The following MRPS9 variants were observed in gnomAD, a reference collection of about 807,000 sequenced individuals.
MRPS9 encodes mitochondrial ribosomal protein S9, also known as small ribosomal subunit protein uS9m.
MRPS9 carries 45 observed loss-of-function variants against 59.9 expected under a neutral mutation model. The ratio of observed to expected loss-of-function variants is 0.75; its 90% confidence interval spans 0.59 to 0.96. The LOEUF is 0.96. Ranked by LOEUF, MRPS9 falls within the 40% of genes least tolerant of loss-of-function variation. MRPS9 has a pLI of 0.00. For synonymous variants in MRPS9, 171 were observed against 166.8 expected (o/e 1.03, Z -0.19); for missense variants, 473 against 481.1 (o/e 0.98, Z 0.16).
intron 7 of MRPS9, 151 bp downstream of exon 7, chr2:105,090,146 CAAAA>C: frequency 2.4e-6 from 1 of 419,478 alleles, no homozygotes; most frequent in Non-Finnish European, 4.3e-6. Context: ...CAAAACAAAA[CAAAA>C]AAACAAAACA....
intron 2 of MRPS9, among the ~76,000 whole-genome samples, chr2:105,050,693 T>A (rs998085764): frequency 1.3e-5 from 2 of 152,132 alleles, no homozygotes; most frequent in Non-Finnish European, 2.9e-5. Flanking sequence ...GCAAAAAAAA[T>A]TATTGACCAT....
chr2:105,061,333 T>G (rs1679897563), intron 2 of MRPS9, among the ~76,000 whole-genome samples: 1 of 142,486 alleles, frequency 7.0e-6, no homozygotes, highest in Admixed American at 7.1e-5. Flanking sequence ...ATCTTAACAT[T>G]GGGCCTTGTG....
intron 1 of MRPS9, 104 bp from the exon 2 acceptor site, chr2:105,049,066 TA>T (rs922840089): frequency 8.9e-6 from 7 of 786,598 alleles, no homozygotes; most frequent in Middle Eastern, 3.8e-4. Flanking sequence ...AATACCGTAA[TA>T]AAAAAAGATA....
At chr2:105,059,140 T>G (rs1209596676) in intron 2 of MRPS9, among the ~76,000 whole-genome samples, 1 of 151,716 alleles carries the variant, frequency 6.6e-6, no homozygotes, top group East Asian at 1.9e-4. Context: ...TTTCTTAAAG[T>G]GTAACGTTAG....
intron 10 of MRPS9, chr2:105,099,404 A>G: frequency 1.4e-5 from 4 of 288,730 alleles, no homozygotes; most frequent in East Asian, 1.3e-4. Context: ...AAAAACCAAA[A>G]GGGAGCCATG....
At chr2:105,092,236 T>C (rs1680572861) in intron 7 of MRPS9, 165 bp from the exon 8 acceptor site, 2 of 473,106 alleles carry the variant, frequency 4.2e-6, no homozygotes, top group East Asian at 6.4e-5. Flanking sequence ...GGAAAAGTGA[T>C]GCATCTGCAT....
intron 2 of MRPS9, among the ~76,000 whole-genome samples, chr2:105,052,273 C>G (rs1474232163): frequency 2.0e-5 from 3 of 152,150 alleles, no homozygotes; most frequent in African/African-American, 7.2e-5. Flanking sequence ...GGTGCTCTAT[C>G]AGATTCAGTA....
intron 5 of MRPS9, among the ~76,000 whole-genome samples, chr2:105,084,965 T>G (rs1256187227): frequency 6.6e-6 from 1 of 152,212 alleles, no homozygotes; most frequent in African/African-American, 2.4e-5. Flanking sequence ...ATGGTATAAT[T>G]ACTATAATAT....
At chr2:105,067,258 GCTGA>G (rs1211349335) in intron 2 of MRPS9, among the ~76,000 whole-genome samples, 40 of 152,178 alleles carry the variant, frequency 2.6e-4, no homozygotes, top group Admixed American at 9.2e-4. Context: ...TGTCTTTGTA[GCTGA>G]CTAATTGTTT....
chr2:105,088,948 A>C (rs770088247), intron 5 of MRPS9, 36 bp from the exon 6 acceptor site: 3 of 1,423,746 alleles, frequency 2.1e-6, no homozygotes, highest in Non-Finnish European at 2.9e-6. Flanking sequence ...CATTGCTCTT[A>C]TTTTTAGCAT....
Position 105,089,946 on chromosome 2 carries a change from T to C in MRPS9, c.602T>C (p.Ile201Thr), listed in dbSNP as rs1680524962. 6.2e-7 allele frequency: 1 copy of C among 1,610,362 alleles called. No homozygotes were observed. Among genetic ancestry groups the C allele is most frequent in the Non-Finnish European group, 8.5e-7 (1 of 1,177,536 alleles). The change falls in exon 7 of 11, where the codon ATT becomes ACT. Residue 201 changes from isoleucine (I) to threonine (T), a missense_variant. Physicochemically the swap from Ile to Thr is moderately conservative, Grantham distance 89 (BLOSUM62 -1). Coordinates refer to ENST00000258455, the MANE Select transcript of MRPS9 (RefSeq NM_182640.3). Reference sequence around the variant, plus strand: ...GACGTGATTGGCAGCAGATGGCTGATTAAGGAGGAACTAGAAGAAATGTTA... The same window carrying C: ...GACGTGATTGGCAGCAGATGGCTGACTAAGGAGGAACTAGAAGAAATGTTA... ...TRDVIGSRWL[I>T]KEELEEMLVE...
intron 2 of MRPS9, among the ~76,000 whole-genome samples, chr2:105,054,131 T>C (rs557248180): frequency 6.6e-6 from 1 of 152,224 alleles, no homozygotes; most frequent in African/African-American, 2.4e-5. Flanking sequence ...AAGTCAGGGC[T>C]CTCTGTCACT....
At chr2:105,080,345 A>G (rs12612214) in intron 5 of MRPS9, among the ~76,000 whole-genome samples, 30,196 of 152,130 alleles carry the variant, frequency 0.2, 3,130 homozygotes, top group Middle Eastern at 0.35. Context: ...TATAGTGTGT[A>G]CATGTGCTTC....
At chr2:105,067,557 A>G (rs1391474370) in intron 2 of MRPS9, among the ~76,000 whole-genome samples, 4 of 151,966 alleles carry the variant, frequency 2.6e-5, no homozygotes, top group Non-Finnish European at 4.4e-5. Flanking sequence ...GTTCATGCGA[A>G]TTTTCCATTC....
intron 2 of MRPS9, among the ~76,000 whole-genome samples, chr2:105,055,912 A>C (rs1178728948): frequency 6.6e-6 from 1 of 152,332 alleles, no homozygotes; most frequent in East Asian, 1.9e-4. Context: ...TTGCTGTTAC[A>C]TATTTAGAAG....
chr2:105,099,943 TAAAG>T lies in MRPS9; in HGVS notation c.*185_*188del, dbSNP rs1680755277. The T allele has an allele frequency of 8.3e-6, 4 of 483,218 alleles. No individual in the cohort carries two copies. The highest frequency in any genetic ancestry group is 1.5e-5 in the Non-Finnish European group (4 of 274,388). 29.9% of individuals were successfully genotyped at this position (483,218 alleles called of 1,614,324 possible). ...TGACCTTTAAAAAATAAAAGGAAAA[TAAAG>T]AATGTTAGTTTCATTCTGCCGCTTT... On this transcript the variant is annotated 3_prime_UTR_variant, in exon 11 of 11. Coordinates refer to ENST00000258455, the MANE Select transcript of MRPS9 (RefSeq NM_182640.3).
intron 4 of MRPS9, among the ~76,000 whole-genome samples, chr2:105,074,777 A>T (rs1680175534): frequency 1.3e-5 from 2 of 152,136 alleles, no homozygotes; most frequent in South Asian, 4.1e-4. Context: ...GAATAATATA[A>T]TTGCCACAGT....
intron 5 of MRPS9, among the ~76,000 whole-genome samples, chr2:105,080,610 A>T (rs7562875): frequency 7.2e-4 from 109 of 152,278 alleles, no homozygotes; most frequent in African/African-American, 2.5e-3. Flanking sequence ...TTTCAGAGCT[A>T]TAAGTGTCTG....
At chr2:105,082,245 A>AT (rs1274572033) in intron 5 of MRPS9, among the ~76,000 whole-genome samples, 2 of 151,872 alleles carry the variant, frequency 1.3e-5, no homozygotes, top group Non-Finnish European at 2.9e-5. Context: ...TGTTGATATA[A>AT]TTTTTTCCCT....
Sources: allele counts gnomAD v4.1 joint callset (sites outside exome capture counted in the v4.1 genomes callset), GRCh38; gene constraint gnomAD v4.1.1; transcripts MANE v1.5; gene names NCBI Gene and HGNC (gene_info 2026-07-23, HGNC 2026-07-21).